The following ARK2C variants were observed in gnomAD, a reference collection of about 807,000 sequenced individuals.
ARK2C encodes arkadia (RNF111) C-terminal like ring finger ubiquitin ligase 2C.
the ARK2C span, among the ~76,000 whole-genome samples, chr18:46,357,605 C>A: frequency 6.6e-6 from 1 of 151,982 alleles, no homozygotes; most frequent in Admixed American, 6.6e-5. Flanking sequence ...GCCACCAGTC[C>A]CTCTCTATCA....
the ARK2C span, among the ~76,000 whole-genome samples, chr18:46,354,105 C>T: frequency 6.6e-6 from 1 of 152,238 alleles, no homozygotes; most frequent in Non-Finnish European, 1.5e-5. Context: ...ATTCTCTCCT[C>T]TTCCTTTTGC....
the ARK2C span, among the ~76,000 whole-genome samples, chr18:46,366,907 G>A: frequency 6.6e-6 from 1 of 152,188 alleles, no homozygotes; most frequent in Non-Finnish European, 1.5e-5. Flanking sequence ...CCAGCAAAAG[G>A]TCTTCTGTGT....
At chr18:46,433,296 C>T in the ARK2C span, 18 of 1,611,714 alleles carry the variant, frequency 1.1e-5, no homozygotes, top group African/African-American at 9.3e-5. Flanking sequence ...CGCTGGCCCA[C>T]CCCGTGCAGT....
chr18:46,462,581 C>A, the ARK2C span: 1 of 152,926 alleles, frequency 6.5e-6, no homozygotes, highest in Non-Finnish European at 1.5e-5. Flanking sequence ...CTGCCTCCAG[C>A]CTGGAGCCTT....
chr18:46,408,154 G>A, the ARK2C span, among the ~76,000 whole-genome samples: 2 of 152,190 alleles, frequency 1.3e-5, no homozygotes, highest in East Asian at 1.9e-4. Context: ...ATGACCCCTC[G>A]GTTGAGGAGT....
the ARK2C span, among the ~76,000 whole-genome samples, chr18:46,344,925 G>A: frequency 6.6e-6 from 1 of 152,236 alleles, no homozygotes; most frequent in East Asian, 1.9e-4. Flanking sequence ...GTGGTGGGCT[G>A]TGGCCCAGGC....
At chr18:46,380,480 A>C in the ARK2C span, among the ~76,000 whole-genome samples, 1 of 152,336 alleles carries the variant, frequency 6.6e-6, no homozygotes, top group African/African-American at 2.4e-5. Flanking sequence ...GGGCGCTTGC[A>C]CAGTGCTTGT....
At chr18:46,360,948 A>G in the ARK2C span, among the ~76,000 whole-genome samples, 9 of 152,216 alleles carry the variant, frequency 5.9e-5, no homozygotes, top group African/African-American at 1.4e-4. Context: ...AGCTGTCCCA[A>G]GCTTTCCAAG....
At chr18:46,427,449 C>T in the ARK2C span, among the ~76,000 whole-genome samples, 6 of 152,140 alleles carry the variant, frequency 3.9e-5, no homozygotes, top group East Asian at 3.9e-4. Context: ...GGGGCTGCTG[C>T]GAGGCAGGCA....
chr18:46,428,278 A>G, the ARK2C span, among the ~76,000 whole-genome samples: 270 of 152,260 alleles, frequency 1.8e-3, no homozygotes, highest in Non-Finnish European at 3.2e-3. Flanking sequence ...GTGTGGTGGC[A>G]GGCGCCTGTA....
chr18:46,357,792 G>A, the ARK2C span, among the ~76,000 whole-genome samples: 2 of 152,238 alleles, frequency 1.3e-5, no homozygotes, highest in African/African-American at 2.4e-5. Context: ...TTAGACAACA[G>A]AAGTGTTCTC....
chr18:46,344,481 C>T, the ARK2C span, among the ~76,000 whole-genome samples: 8 of 152,238 alleles, frequency 5.3e-5, no homozygotes, highest in African/African-American at 1.9e-4. Context: ...TCCTAGAACA[C>T]CTGCTTCTAC....
At chr18:46,334,120 C>A in the ARK2C span, 1 of 200,930 alleles carries the variant, frequency 5.0e-6, no homozygotes, top group South Asian at 1.5e-4. This position sits in a 1 kb window ranked among gnomAD's most constrained non-coding sequence, Gnocchi z 4.4. Context: ...TCTGTCTCCC[C>A]GCCAGCCGCC....
the ARK2C span, among the ~76,000 whole-genome samples, chr18:46,383,285 A>G: frequency 6.6e-6 from 1 of 152,270 alleles, no homozygotes; most frequent in African/African-American, 2.4e-5. Context: ...AAAATGTGAA[A>G]AATACAATTT....
the ARK2C span, chr18:46,336,265 T>C: frequency 1.0e-6 from 1 of 985,362 alleles, no homozygotes; most frequent in Non-Finnish European, 1.2e-6. Flanking sequence ...ACCATCCTCA[T>C]TAATACCACC....
chr18:46,434,375 A>G, the ARK2C span, among the ~76,000 whole-genome samples: 1 of 152,238 alleles, frequency 6.6e-6, no homozygotes, highest in African/African-American at 2.4e-5. Context: ...CACCAATAAT[A>G]TATTTTTATG....
the ARK2C span, among the ~76,000 whole-genome samples, chr18:46,408,761 G>T: frequency 6.6e-6 from 1 of 152,226 alleles, no homozygotes; most frequent in African/African-American, 2.4e-5. Context: ...AGATCAGTTT[G>T]TCTGTGGTCT....
chr18:46,379,337 T>TC, the ARK2C span, among the ~76,000 whole-genome samples: 1 of 152,242 alleles, frequency 6.6e-6, no homozygotes, highest in Non-Finnish European at 1.5e-5. Context: ...ACTTGAAATT[T>TC]AAAAGAACAA....
chr18:46,422,221 C>A, the ARK2C span, among the ~76,000 whole-genome samples: 14 of 152,318 alleles, frequency 9.2e-5, no homozygotes, highest in East Asian at 2.7e-3. Context: ...TAGTGTACCC[C>A]AGACTCTCAG....
Sources: gnomAD v4.1 joint callset for allele counts (sites outside exome capture counted in the v4.1 genomes callset) on GRCh38, gnomAD v4.1.1 for gene constraint, Gnocchi (gnomAD v3.1) non-coding constraint, MANE v1.5 for transcripts, NCBI Gene and HGNC (gene_info 2026-07-23, HGNC 2026-07-21) for gene names.